GLYR1: variants seen among roughly 807,000 people sequenced by gnomAD.
GLYR1 encodes glyoxylate reductase 1 homolog.
Under a neutral mutation model 72.7 loss-of-function variants are expected in GLYR1, and 21 were observed. That is an observed-to-expected ratio of 0.29 (90% confidence interval 0.20 to 0.42). The LOEUF (loss-of-function observed/expected upper bound fraction) is 0.42, where lower values mean the gene tolerates loss of function less well. Ranked by LOEUF, GLYR1 falls within the 10% of genes least tolerant of loss-of-function variation. GLYR1 has a pLI of 1.00. For missense variants in GLYR1, 594 were observed against 712.1 expected (o/e 0.83, Z 1.89); for synonymous variants, 392 against 270.2 (o/e 1.45, Z -4.42).
In GLYR1 at chr16:4,804,723, ATCTGGGCCCAAGGCC is replaced by A; in HGVS notation, c.*498_*512del. 1 of 174,856 alleles carries A rather than the reference ATCTGGGCCCAAGGCC, an allele frequency of 5.7e-6. No individual in the cohort carries two copies. Among genetic ancestry groups the A allele is most frequent in the Admixed American group, 5.4e-5 (1 of 18,408 alleles). The allele number at this position is 174,856 out of a possible 1,614,324, so 10.8% of individuals were successfully genotyped here. ...CTCTGTCTGGAGTCTGTACTGGCTC[ATCTGGGCCCAAGGCC>A]TCTCCTTGTAGGGAATCCAGTGGGG... is the stretch of plus-strand genomic sequence containing the variant. On this transcript the variant is annotated 3_prime_UTR_variant, in exon 16 of 16. Transcript: ENST00000321919.
chr16:4,843,589 G>A, intron 3 of GLYR1: 1 of 1,289,156 alleles, frequency 7.8e-7, no homozygotes. Context: ...ATAGAGAAAT[G>A]GGGCTGGGTC....
chr16:4,822,484 G>A (rs1433057938), intron 7 of GLYR1, among the ~76,000 whole-genome samples: 6 of 151,750 alleles, frequency 4.0e-5, no homozygotes, highest in Admixed American at 1.3e-4. Context: ...TCTGCCTCCC[G>A]GGTTCAAGCA....
intron 10 of GLYR1, among the ~76,000 whole-genome samples, chr16:4,815,736 T>A (rs2083595326): frequency 6.6e-6 from 1 of 152,154 alleles, no homozygotes. Flanking sequence ...CATAAATACA[T>A]GTAAAATTCT....
chr16:4,832,377 G>A, intron 4 of GLYR1, 156 bp from the exon 5 acceptor site: 1 of 879,422 alleles, frequency 1.1e-6, no homozygotes, highest in Non-Finnish European at 1.7e-6. Flanking sequence ...GACATTGGGA[G>A]AAGCAGATTT....
intron 5 of GLYR1, among the ~76,000 whole-genome samples, chr16:4,828,334 G>A (rs58714055): frequency 0.076 from 11,600 of 152,054 alleles, 548 homozygotes; most frequent in Non-Finnish European, 0.088. Flanking sequence ...CTCCCAAAGC[G>A]CTGGGATTAC....
chr16:4,803,394 A>T lies in GLYR1; in HGVS notation c.*1842T>A, dbSNP rs190037971. On this transcript the variant is annotated 3_prime_UTR_variant, in exon 16 of 16. Transcript: ENST00000321919. ...TTGTCATTTAAAGGTTTAAAGAAAA[A>T]AGGGAGGGGCTTTCTTACAAGCTTT... 2 of 152,774 alleles carry T rather than the reference A, an allele frequency of 1.3e-5. No individual in the cohort carries two copies. Among genetic ancestry groups the T allele is most frequent in the Admixed American group, 1.3e-4 (2 of 15,304 alleles). 9.5% of individuals were successfully genotyped at this position (152,774 alleles called of 1,614,324 possible). A position where few individuals can be genotyped will look rare whatever the true frequency, so the allele number is the denominator to read the frequency against.
At chr16:4,834,648 T>G (rs2085020594) in intron 3 of GLYR1, among the ~76,000 whole-genome samples, 1 of 152,032 alleles carries the variant, frequency 6.6e-6, no homozygotes, top group African/African-American at 2.4e-5. Context: ...ATGTTTCTAG[T>G]AGAGACGGGG....
Position 4,831,960 on chromosome 16 carries a change from C to T in GLYR1, c.537+19G>A. The T allele has an allele frequency of 6.2e-7, 1 of 1,609,360 alleles. No individual in the cohort carries two copies. Among genetic ancestry groups the T allele is most frequent in the Non-Finnish European group, 8.5e-7 (1 of 1,177,782 alleles). ...AAAAGGACATCACTAATCCCGGAAGCTGCAGAGAGAAAACAAACCTTCTCA... is the reference window on the plus strand; with the variant it reads ...AAAAGGACATCACTAATCCCGGAAGTTGCAGAGAGAAAACAAACCTTCTCA... On this transcript the variant is annotated intron_variant, in intron 5 of 15. Coordinates refer to ENST00000321919, the MANE Select transcript of GLYR1 (RefSeq NM_032569.4).
At chr16:4,844,027 T>A (rs1473875809) in intron 3 of GLYR1, 1 of 151,450 alleles carries the variant, frequency 6.6e-6, no homozygotes, top group Non-Finnish European at 1.4e-5. Context: ...GGCACCAGAA[T>A]CACTTGTACC....
In GLYR1 at chr16:4,811,420, G is replaced by A. The variant is rs1325801282; in HGVS notation, c.1463-126C>T. The A allele has an allele frequency of 2.9e-6, 4 of 1,365,912 alleles. No individual in the cohort carries two copies. The East Asian group carries it at 6.9e-5, about 24-fold the overall frequency. The allele number at this position is 1,365,912 out of a possible 1,614,324, so 84.6% of individuals were successfully genotyped here. A position where few individuals can be genotyped will look rare whatever the true frequency, so the allele number is the denominator to read the frequency against. ...AGTTCCACATAGCCTAGGCCTCTTG[G>A]CTCCTCACTCACCCTTAGACACCTG... On this transcript the variant is annotated intron_variant, in intron 14 of 15. Coordinates refer to ENST00000321919, the MANE Select transcript of GLYR1 (RefSeq NM_032569.4).
chr16:4,842,425 C>A (rs980194405), intron 3 of GLYR1, among the ~76,000 whole-genome samples: 2 of 152,054 alleles, frequency 1.3e-5, no homozygotes, highest in African/African-American at 4.8e-5. Flanking sequence ...TCATGGCTCA[C>A]TGCAGTTTTG....
chr16:4,845,242 C>T (rs1297781990), intron 2 of GLYR1, 89 bp from the exon 3 acceptor site: 13 of 828,542 alleles, frequency 1.6e-5, no homozygotes, highest in South Asian at 4.7e-5. Context: ...TTCTACGTTG[C>T]TAAGAAAAAA....
At chr16:4,814,745 C>T (rs552417031) in intron 10 of GLYR1, 98 bp from the exon 11 acceptor site, 57 of 978,938 alleles carry the variant, frequency 5.8e-5, no homozygotes, top group African/African-American at 5.4e-4. Flanking sequence ...TGGCGGCCTA[C>T]CAAGGCAGGA....
In GLYR1 at chr16:4,832,114, C is replaced by T; in HGVS notation, c.402G>A (p.Gly134=). ...DEKRKLSLSE[G]KVKKNMGEGK... is the part of the protein sequence containing the mutation. ...CTTCTCCCATGTTCTTCTTCACCTT[C>T]CCTTCAGACAGGCTAAGTTTGCGCT... Residue 134 remains glycine, a synonymous_variant, in exon 5 of 16, where the codon GGG becomes GGA. Transcript: ENST00000321919. 2 of 1,614,204 alleles carry T rather than the reference C, an allele frequency of 1.2e-6. No individual in the cohort carries two copies. The highest frequency in any genetic ancestry group is 1.3e-5 in the African/African-American group (1 of 75,062).
chr16:4,815,322 G>T (rs528772908), intron 10 of GLYR1, among the ~76,000 whole-genome samples: 2 of 151,868 alleles, frequency 1.3e-5, no homozygotes, highest in Admixed American at 1.3e-4. Flanking sequence ...GGCTGGATGG[G>T]CCTACTATTT....
chr16:4,816,752 A>G (rs993861667), intron 10 of GLYR1, among the ~76,000 whole-genome samples: 3 of 152,080 alleles, frequency 2.0e-5, no homozygotes, highest in African/African-American at 7.2e-5. Context: ...TTGGGAGGCC[A>G]AGGCGGGTGG....
chr16:4,806,317 A>G (rs2082965642), intron 15 of GLYR1, among the ~76,000 whole-genome samples: 1 of 152,188 alleles, frequency 6.6e-6, no homozygotes. Flanking sequence ...GTGTGGTTGC[A>G]AAGTTTTTAC....
chr16:4,833,228 A>G, intron 3 of GLYR1: 1 of 207,478 alleles, frequency 4.8e-6, no homozygotes, highest in Non-Finnish European at 9.6e-6. Flanking sequence ...CCAACCACAT[A>G]TACGCTGCCA....
chr16:4,832,327 C>T, intron 4 of GLYR1, 106 bp from the exon 5 acceptor site: 1 of 1,345,060 alleles, frequency 7.4e-7, no homozygotes, highest in Non-Finnish European at 1.0e-6. Flanking sequence ...TGTGTGGTCT[C>T]CTCACAATGA....
Sources: gnomAD v4.1 joint callset for allele counts (sites outside exome capture counted in the v4.1 genomes callset) on GRCh38, gnomAD v4.1.1 for gene constraint, MANE v1.5 for transcripts, NCBI Gene and HGNC (gene_info 2026-07-23, HGNC 2026-07-21) for gene names.